The following ZNF532 variants were observed in gnomAD, a reference collection of about 807,000 sequenced individuals.
ZNF532 encodes zinc finger protein 532.
Under a neutral mutation model 89.3 loss-of-function variants are expected in ZNF532, and 22 were observed. The ratio of observed to expected loss-of-function variants is 0.25; its 90% CI spans 0.18 to 0.35. The LOEUF is 0.35. ZNF532 is among the 10% of genes least tolerant of loss of function. ZNF532 has a pLI of 1.00. For missense variants in ZNF532, 1,132 were observed against 1,643.4 expected (o/e 0.69, Z 5.38); for synonymous variants, 606 against 649.6 (o/e 0.93, Z 1.02).
Position 58,919,095 on chromosome 18 carries a change from T to C in ZNF532, c.808T>C (p.Cys270Arg). ...AAAGTCGTCCTCCAAGCTCTCGTCC[T>C]GCATCGCTGCCATCGCGGCTCTCAG... ...KTKSSSKLSS[C>R]IAAIAALSAK... The change falls in exon 3 of 10, where the codon TGC (cysteine) becomes CGC (arginine). Residue 270 changes from cysteine (C) to arginine (R), a missense_variant. Coordinates refer to ENST00000591808, the MANE Select transcript of ZNF532 (RefSeq NM_001375912.1). The surrounding 1 kb of genome is among the most constrained non-coding windows in gnomAD (Gnocchi z 6.1). 1 of 1,614,230 alleles carries C rather than the reference T, an allele frequency of 6.2e-7. No individual in the cohort carries two copies. Among genetic ancestry groups the C allele is most frequent in the African/African-American group, 1.3e-5 (1 of 75,062 alleles).
At chr18:58,948,892 A>C (rs2063901875) in intron 6 of ZNF532, among the ~76,000 whole-genome samples, 1 of 152,204 alleles carries the variant, frequency 6.6e-6, no homozygotes, top group Non-Finnish European at 1.5e-5. Context: ...TGTAAGACTT[A>C]GAAACAGACA....
intron 3 of ZNF532, among the ~76,000 whole-genome samples, chr18:58,923,676 T>C (rs1289860518): frequency 6.6e-6 from 1 of 152,178 alleles, no homozygotes; most frequent in Non-Finnish European, 1.5e-5. Flanking sequence ...GCCAGTCACA[T>C]GACTGTTGGC....
In ZNF532 at chr18:58,920,235, A is replaced by G. The variant is rs1261674515; in HGVS notation, c.1948A>G (p.Thr650Ala). Residue 650 changes from threonine (T) to alanine (A), a missense_variant, in exon 3 of 10, where the codon ACA (threonine) becomes GCA (alanine). Coordinates refer to ENST00000591808, the MANE Select transcript of ZNF532 (RefSeq NM_001375912.1). ...VRIEVTCNHC[T>A]KNLVFYNKCS... Reference sequence around the variant, plus strand: ...CATCGAAGTAACGTGCAACCATTGTACAAAGAACCTCGTTTTTTACAACAA... The same window carrying G: ...CATCGAAGTAACGTGCAACCATTGTGCAAAGAACCTCGTTTTTTACAACAA... 1.2e-6 allele frequency: 2 copies of G among 1,613,874 alleles called. No homozygotes were observed. The highest frequency in any genetic ancestry group is 1.3e-5 in the African/African-American group (1 of 74,942).
chr18:58,871,576 G>A (rs1482158356), intron 2 of ZNF532, among the ~76,000 whole-genome samples: 1 of 152,244 alleles, frequency 6.6e-6, no homozygotes, highest in African/African-American at 2.4e-5. Flanking sequence ...GGACTGAGGG[G>A]TGAGCATGGA....
chr18:58,980,448 G>T (rs2067621889), intron 8 of ZNF532: 1 of 152,214 alleles, frequency 6.6e-6, no homozygotes, highest in African/African-American at 2.4e-5. Flanking sequence ...GTCCTTTGGG[G>T]GTGGTGCTGG....
chr18:58,942,340 TC>T (rs2063225313), intron 5 of ZNF532, among the ~76,000 whole-genome samples: 1 of 31,706 alleles, frequency 3.2e-5, no homozygotes, highest in Non-Finnish European at 5.5e-5. Flanking sequence ...CCTCCCTCCC[TC>T]CCTCCCTCCC....
chr18:58,901,853 G>T (rs1278884488), intron 2 of ZNF532, among the ~76,000 whole-genome samples: 2 of 152,126 alleles, frequency 1.3e-5, no homozygotes, highest in Non-Finnish European at 2.9e-5. Flanking sequence ...CTCACAGCCT[G>T]CCTGGCTAGT....
At position 58,953,770 on chromosome 18, in the gene ZNF532, A is replaced by G. The variant is rs1052606801; in HGVS notation, c.3121A>G (p.Ile1041Val). Residue 1041 changes from isoleucine to valine, a missense_variant, in exon 7 of 10, where the codon ATA becomes GTA. By Grantham distance (29) the Ile-to-Val change is conservative. Transcript: ENST00000591808. ...CCTGTTCATGCAGAGAGATGTGTAC[A>G]TATCCCACGTGAGGAAGGAGCACGG... Reference protein sequence around the residue: ...DCLFMQRDVYISHVRKEHGKQ... With the variant: ...DCLFMQRDVYVSHVRKEHGKQ... The G allele has an allele frequency of 9.3e-6, 15 of 1,613,596 alleles. No individual in the cohort carries two copies. The highest frequency in any genetic ancestry group is 1.3e-5 in the Non-Finnish European group (15 of 1,179,526).
intron 2 of ZNF532, among the ~76,000 whole-genome samples, chr18:58,898,390 G>A (rs889837382): frequency 6.6e-6 from 1 of 152,142 alleles, no homozygotes; most frequent in Non-Finnish European, 1.5e-5. Context: ...GAGACCAGAT[G>A]GCTAAATATT....
At position 58,891,132 on chromosome 18, in the gene ZNF532, G is replaced by C. The variant is rs117644935; in HGVS notation, c.-18+25553G>C. On this transcript the variant is annotated intron_variant, in intron 2 of 9. Coordinates refer to ENST00000591808, the MANE Select transcript of ZNF532 (RefSeq NM_001375912.1). ...GACGGGATTTCACCATGTTAGCCAGGATGGTCTCGATCCCTTGATCTTGTG... is the reference window on the plus strand; with the variant it reads ...GACGGGATTTCACCATGTTAGCCAGCATGGTCTCGATCCCTTGATCTTGTG... Among the ~76,000 whole-genome samples the C allele has an allele frequency of 7.8e-3, 1,189 of 152,242 alleles. 71 individuals are homozygous for C. The East Asian group carries it at 0.16, about 20-fold the overall frequency.
chr18:58,873,611 G>T (rs1457379082), intron 2 of ZNF532, among the ~76,000 whole-genome samples: 1 of 151,916 alleles, frequency 6.6e-6, no homozygotes, highest in Non-Finnish European at 1.5e-5. Flanking sequence ...ACCATGCCTG[G>T]CTCATTAATT....
intron 2 of ZNF532, among the ~76,000 whole-genome samples, chr18:58,892,501 G>A (rs1315185725): frequency 6.6e-6 from 1 of 152,164 alleles, no homozygotes; most frequent in Non-Finnish European, 1.5e-5. Context: ...GTTACCAGTT[G>A]ATCTCTGGTG....
intron 2 of ZNF532, among the ~76,000 whole-genome samples, chr18:58,914,379 C>T (rs1029275017): frequency 6.6e-6 from 1 of 152,222 alleles, no homozygotes. Flanking sequence ...ATAGGGTTTA[C>T]TTTTAAATTA....
intron 2 of ZNF532, among the ~76,000 whole-genome samples, chr18:58,877,728 T>C (rs1264873383): frequency 1.3e-5 from 2 of 152,122 alleles, no homozygotes; most frequent in African/African-American, 4.8e-5. Context: ...TCTGGGCCTG[T>C]GAGTGTGGCC....
Position 58,984,658 on chromosome 18 carries a change from A to G in ZNF532, c.*192A>G, listed in dbSNP as rs1418869600. 1.7e-6 allele frequency: 1 copy of G among 583,366 alleles called. No individual in the cohort carries two copies. Among genetic ancestry groups the G allele is most frequent in the East Asian group, 3.2e-5 (1 of 31,656 alleles). 36.1% of individuals were successfully genotyped at this position (583,366 alleles called of 1,614,324 possible). On this transcript the variant is annotated 3_prime_UTR_variant, in exon 10 of 10. Transcript: ENST00000591808. ...TTAAAACAGTATTTGAGTTTAAAAG[A>G]GTTTGTATATATTTAAATGAATAAC...
intron 2 of ZNF532, among the ~76,000 whole-genome samples, chr18:58,868,843 C>T (rs1238961553): frequency 1.3e-5 from 2 of 152,174 alleles, no homozygotes; most frequent in African/African-American, 4.8e-5. Flanking sequence ...AGAAATGTAT[C>T]ATTAGACAGT....
chr18:58,984,414 C>G lies in ZNF532; in HGVS notation c.3854C>G (p.Thr1285Arg). ...TEAALNTHMR[T>R]HGMAFIKSKR... is the part of the protein sequence containing the mutation. ...GCTGCCTTAAATACTCACATGCGGA[C>G]ACACGGCATGGCCTTCATCAAATCC... is the stretch of plus-strand genomic sequence containing the variant. The change falls in exon 10 of 10, where the codon ACA (threonine) becomes AGA (arginine). Residue 1285 changes from threonine to arginine, a missense_variant. Transcript: ENST00000591808. 6.2e-7 allele frequency: 1 copy of G among 1,611,946 alleles called. No individual in the cohort carries two copies. The highest frequency in any genetic ancestry group is 2.2e-5 in the East Asian group (1 of 44,870).
rs2060883921 is a variant in ZNF532, at chr18:58,919,669, C to T, written c.1382C>T (p.Ala461Val). Residue 461 changes from alanine to valine, a missense_variant, in exon 3 of 10, where the codon GCA becomes GTA. Ala to Val is a moderately conservative substitution (Grantham distance 64, BLOSUM62 0). This residue lies in a region of ZNF532 where 8 missense variants were observed against 41.3 expected (regional missense o/e 0.19). Coordinates refer to ENST00000591808, the MANE Select transcript of ZNF532 (RefSeq NM_001375912.1). This position sits in a 1 kb window ranked among gnomAD's most constrained non-coding sequence, Gnocchi z 6.1. ...AFLPVSAVKT[A>V]GSQVINLKLA... is the part of the protein sequence containing the mutation. ...CTCCCAGTGTCTGCTGTGAAGACGGCAGGATCCCAAGTCATTAATTTGAAG... is the reference window on the plus strand; with the variant it reads ...CTCCCAGTGTCTGCTGTGAAGACGGTAGGATCCCAAGTCATTAATTTGAAG... 1 of 1,613,656 alleles carries T rather than the reference C, an allele frequency of 6.2e-7. No homozygotes were observed. The highest frequency in any genetic ancestry group is 1.1e-5 in the South Asian group (1 of 91,064).
Position 58,984,094 on chromosome 18 carries a change from G to C in ZNF532, c.3534G>C (p.Val1178=). The C allele has an allele frequency of 6.2e-7, 1 of 1,611,848 alleles. No individual in the cohort carries two copies. Among genetic ancestry groups the C allele is most frequent in the Non-Finnish European group, 8.5e-7 (1 of 1,179,838 alleles). Residue 1178 remains valine, a synonymous_variant, in exon 10 of 10, where the codon GTG becomes GTC. Coordinates refer to ENST00000591808, the MANE Select transcript of ZNF532 (RefSeq NM_001375912.1). ...TTTTTAAGGTTCACAAGTGTGCCGT[G>C]TGTGGCTTCACCACCGAAAACCTGC... ...INVFKVHKCA[V]CGFTTENLLQ...
Sources: allele counts gnomAD v4.1 joint callset (sites outside exome capture counted in the v4.1 genomes callset), GRCh38; gene constraint gnomAD v4.1.1; regional missense constraint gnomAD v4.1.1; non-coding constraint Gnocchi (gnomAD v3.1); transcripts MANE v1.5; gene names NCBI Gene and HGNC (gene_info 2026-07-23, HGNC 2026-07-21).